Variants in EPOP observed in about 807,000 individuals in gnomAD.
The protein encoded by EPOP is elongin BC and polycomb repressive complex 2 associated protein, also known as elongin BC and Polycomb repressive complex 2-associated protein.
In EPOP, 14 loss-of-function variants were observed where a neutral mutation model predicts 18.2. That is an observed-to-expected ratio of 0.77 (90% CI 0.51 to 1.20). The LOEUF (loss-of-function observed/expected upper bound fraction) is 1.20. Ranked by LOEUF, EPOP falls within the 50% of genes most tolerant of loss-of-function variation. The pLI is 0.00. For missense variants in EPOP, 527 were observed against 577.2 expected, an observed-to-expected ratio of 0.91 and a Z score of 0.89; for synonymous variants, 252 against 274.9, an observed-to-expected ratio of 0.92 and a Z score of 0.83.
At position 38,674,469 on chromosome 17, in the gene EPOP, G is replaced by A. The variant is rs1443564968; in HGVS notation, c.27C>T (p.Arg9=). 6.5e-7 allele frequency: 1 copy of A among 1,536,440 alleles called. No individual in the cohort carries two copies. Among genetic ancestry groups the A allele is most frequent in the Non-Finnish European group, 8.7e-7 (1 of 1,144,802 alleles). The change falls in exon 1 of 1, where the codon CGC becomes CGT. Residue 9 remains arginine, a synonymous_variant. Coordinates refer to ENST00000621654, the MANE Select transcript of EPOP (RefSeq NM_001130677.2). The surrounding 1 kb of genome is among the most constrained non-coding windows in gnomAD (Gnocchi z 4.5). METLCPAP[R]LAVPASPRGS... is the part of the protein sequence containing the mutation. The stretch of plus-strand genomic sequence containing the variant: ...CTCGCGGGGACGCCGGCACTGCCAG[G>A]CGGGGCGCAGGGCACAGGGTCTCCA...
In EPOP at chr17:38,673,016, T is replaced by G; in HGVS notation, c.*340A>C. ...CCGAGGTCTCTCTCTTCTCCCCTTT[T>G]TTTTGGGTGGGGGGGTGTCTTTGAG... On this transcript the variant is annotated 3_prime_UTR_variant, in exon 1 of 1. Coordinates refer to ENST00000621654, the MANE Select transcript of EPOP (RefSeq NM_001130677.2). 8.0e-6 allele frequency: 2 copies of G among 250,786 alleles called. No individual in the cohort carries two copies. The highest frequency in any genetic ancestry group is 7.5e-6 in the Non-Finnish European group (1 of 132,768). The allele number at this position is 250,786 out of a possible 1,614,324, so 15.5% of individuals were successfully genotyped here. A position where few individuals can be genotyped will look rare whatever the true frequency, so the allele number is the denominator to read the frequency against.
chr17:38,674,157 G>A lies in EPOP; in HGVS notation c.339C>T (p.Cys113=). The change falls in exon 1 of 1, where the codon TGC becomes TGT. Residue 113 remains cysteine, a synonymous_variant. Transcript: ENST00000621654. This position sits in a 1 kb window ranked among gnomAD's most constrained non-coding sequence, Gnocchi z 4.5. The stretch of plus-strand genomic sequence containing the variant: ...CCTCTTCCTCCTCTCCGCGGCGGGG[G>A]CACGCTGCGACGTCCGCATCCTCGC... ...AAGEDADVAA[C]PRRGEEEEGG... is the part of the protein sequence containing the mutation. 2 of 1,437,790 alleles carry A rather than the reference G, an allele frequency of 1.4e-6. No individual in the cohort carries two copies. Among genetic ancestry groups the A allele is most frequent in the Non-Finnish European group, 1.8e-6 (2 of 1,106,164 alleles). 89.1% of individuals were successfully genotyped at this position (1,437,790 alleles called of 1,614,324 possible).
In EPOP at chr17:38,673,706, C is replaced by A. The variant is rs932633265; in HGVS notation, c.790G>T (p.Asp264Tyr). ...GGCCCCCGGCGCAAACTCGGAGTGT[C>A]CAAGGCGAAGCCCTTCGCGTAACAC... ...LWCYAKGFALDTPSLRRGPER... is the reference protein window; with the variant it reads ...LWCYAKGFALYTPSLRRGPER... The change falls in exon 1 of 1, where the codon GAC (aspartate) becomes TAC (tyrosine). Residue 264 changes from aspartate (D) to tyrosine (Y), a missense_variant. By Grantham distance (160) the Asp-to-Tyr change is radical. Transcript: ENST00000621654. 9 of 1,533,488 alleles carry A rather than the reference C, an allele frequency of 5.9e-6. No homozygotes were observed. The highest frequency in any genetic ancestry group is 7.9e-6 in the Non-Finnish European group (9 of 1,140,558). 95.0% of individuals were successfully genotyped at this position (1,533,488 alleles called of 1,614,324 possible).
Position 38,674,403 on chromosome 17 carries a change from C to A in EPOP, c.93G>T (p.Gly31=), listed in dbSNP as rs1449918746. 9.7e-6 allele frequency: 15 copies of A among 1,543,530 alleles called. No homozygotes were observed. Among genetic ancestry groups the A allele is most frequent in the Non-Finnish European group, 1.2e-5 (14 of 1,146,212 alleles). The change falls in exon 1 of 1, where the codon GGG becomes GGT. Residue 31 remains glycine (G), a synonymous_variant. Transcript: ENST00000621654. The surrounding 1 kb of genome is among the most constrained non-coding windows in gnomAD (Gnocchi z 4.5). ...CSPTPRKPCR[G]TQEFSPLCLR... ...GGCACAGCGGAGAGAATTCCTGGGT[C>A]CCCCGACACGGCTTCCGGGGCGTGG...
rs761052437 is a variant in EPOP, at chr17:38,674,057, G to T, written c.439C>A (p.Arg147=). 2.0e-4 allele frequency: 283 copies of T among 1,394,548 alleles called. No homozygotes were observed. Among genetic ancestry groups the T allele is most frequent in the Non-Finnish European group, 1.9e-4 (201 of 1,084,466 alleles). 86.4% of individuals were successfully genotyped at this position (1,394,548 alleles called of 1,614,324 possible). A position where few individuals can be genotyped will look rare whatever the true frequency, so the allele number is the denominator to read the frequency against. Residue 147 remains arginine, a synonymous_variant, in exon 1 of 1, where the codon CGG becomes AGG. Coordinates refer to ENST00000621654, the MANE Select transcript of EPOP (RefSeq NM_001130677.2). This position sits in a 1 kb window ranked among gnomAD's most constrained non-coding sequence, Gnocchi z 4.5. ...GAGGCGAAGCTGGTCGTAGATTCCC[G>T]AGGGTGCGGGGGCGCAGGGCAGCGG... ...PGRCPAPPHP[R]ESTTSFASAP...
rs532654976 is a variant in EPOP, at chr17:38,673,644, G to C, written c.852C>G (p.Ala284=). 6.6e-7 allele frequency: 1 copy of C among 1,524,966 alleles called. No homozygotes were observed. The highest frequency in any genetic ancestry group is 1.2e-5 in the South Asian group (1 of 81,754). 94.5% of individuals were successfully genotyped at this position (1,524,966 alleles called of 1,614,324 possible). A position where few individuals can be genotyped will look rare whatever the true frequency, so the allele number is the denominator to read the frequency against. ...GCGCCGGCAGCCGGCGTTTCTTGGC[G>C]GCTCCCCGAGCCGGCCCTTTCGCAG... ...RPPAKGPARG[A]AKKRRLPAPP... The change falls in exon 1 of 1, where the codon GCC becomes GCG. Residue 284 remains alanine, a synonymous_variant. Coordinates refer to ENST00000621654, the MANE Select transcript of EPOP (RefSeq NM_001130677.2).
At position 38,673,210 on chromosome 17, in the gene EPOP, G is replaced by C. The variant is rs1910996191; in HGVS notation, c.*146C>G. The C allele has an allele frequency of 7.4e-7, 1 of 1,355,684 alleles. No homozygotes were observed. Among genetic ancestry groups the C allele is most frequent in the Non-Finnish European group, 9.6e-7 (1 of 1,046,880 alleles). The allele number at this position is 1,355,684 out of a possible 1,614,324, so 84.0% of individuals were successfully genotyped here. ...TGTCACCCCGAAAACTTAGGTGCTT[G>C]AATGAAGATCACTGTTATTTAGGTC... On this transcript the variant is annotated 3_prime_UTR_variant, in exon 1 of 1. Transcript: ENST00000621654.
In EPOP at chr17:38,674,018, G is replaced by A. The variant is rs1247213243; in HGVS notation, c.478C>T (p.Pro160Ser). Residue 160 changes from proline (P) to serine (S), a missense_variant, in exon 1 of 1, where the codon CCG becomes TCG. By Grantham distance (74) the Pro-to-Ser change is moderately conservative. Coordinates refer to ENST00000621654, the MANE Select transcript of EPOP (RefSeq NM_001130677.2). This position sits in a 1 kb window ranked among gnomAD's most constrained non-coding sequence, Gnocchi z 4.5. ...TTSFASAPPR[P>S]APGLEPQRGP... ...CGCTGAGGCTCGAGACCCGGGGCCG[G>A]GCGAGGCGGGGCCGAGGCGAAGCTG... 5 of 1,387,164 alleles carry A rather than the reference G, an allele frequency of 3.6e-6. No homozygotes were observed. Among genetic ancestry groups the A allele is most frequent in the Non-Finnish European group, 3.7e-6 (4 of 1,082,382 alleles). 85.9% of individuals were successfully genotyped at this position (1,387,164 alleles called of 1,614,324 possible).
rs1911068592 is a variant in EPOP at position 38,674,669 on chromosome 17, G to C, written c.-174C>G. On this transcript the variant is annotated 5_prime_UTR_variant, in exon 1 of 1. Coordinates refer to ENST00000621654, the MANE Select transcript of EPOP (RefSeq NM_001130677.2). This position sits in a 1 kb window ranked among gnomAD's most constrained non-coding sequence, Gnocchi z 4.5. Reference sequence around the variant, plus strand: ...GCCGCAGAGCTCGGGCTCCCTCTTCGCTCTCCTCACGCGGCCCTCCCGGCG... The same window carrying C: ...GCCGCAGAGCTCGGGCTCCCTCTTCCCTCTCCTCACGCGGCCCTCCCGGCG... 1 of 566,328 alleles carries C rather than the reference G, an allele frequency of 1.8e-6. No homozygotes were observed. Among genetic ancestry groups the C allele is most frequent in the African/African-American group, 2.0e-5 (1 of 50,396 alleles). 35.1% of individuals were successfully genotyped at this position (566,328 alleles called of 1,614,324 possible). A position where few individuals can be genotyped will look rare whatever the true frequency, so the allele number is the denominator to read the frequency against.
At position 38,673,687 on chromosome 17, in the gene EPOP, C is replaced by T. The variant is rs1337550304; in HGVS notation, c.809G>A (p.Arg270Gln). 2 of 1,532,138 alleles carry T rather than the reference C, an allele frequency of 1.3e-6. No individual in the cohort carries two copies. The highest frequency in any genetic ancestry group is 2.6e-5 in the East Asian group (1 of 38,466). The allele number at this position is 1,532,138 out of a possible 1,614,324, so 94.9% of individuals were successfully genotyped here. The change falls in exon 1 of 1, where the codon CGG becomes CAG. Residue 270 changes from arginine (R) to glutamine (Q), a missense_variant. Transcript: ENST00000621654. ...GFALDTPSLR[R>Q]GPERPPAKGP... Reference sequence around the variant, plus strand: ...TTTCGCAGGCGGCCGCTCTGGCCCCCGGCGCAAACTCGGAGTGTCCAAGGC... The same window carrying T: ...TTTCGCAGGCGGCCGCTCTGGCCCCTGGCGCAAACTCGGAGTGTCCAAGGC...
Position 38,674,148 on chromosome 17 carries a change from G to C in EPOP, c.348C>G (p.Arg116=). 2.8e-6 allele frequency: 4 copies of C among 1,442,268 alleles called. No homozygotes were observed. Among genetic ancestry groups the C allele is most frequent in the Non-Finnish European group, 3.6e-6 (4 of 1,108,676 alleles). The allele number at this position is 1,442,268 out of a possible 1,614,324, so 89.3% of individuals were successfully genotyped here. The change falls in exon 1 of 1, where the codon CGC becomes CGG. Residue 116 remains arginine (R), a synonymous_variant. Coordinates refer to ENST00000621654, the MANE Select transcript of EPOP (RefSeq NM_001130677.2). The surrounding 1 kb of genome is among the most constrained non-coding windows in gnomAD (Gnocchi z 4.5). ...EDADVAACPR[R]GEEEEGGGGF... ...CGCCTCCGCCCTCTTCCTCCTCTCC[G>C]CGGCGGGGGCACGCTGCGACGTCCG...
rs1292160057 is a variant in EPOP, at chr17:38,673,939, G to A, written c.557C>T (p.Pro186Leu). 1.8e-5 allele frequency: 25 copies of A among 1,400,698 alleles called. No individual in the cohort carries two copies. The highest frequency in any genetic ancestry group is 2.1e-5 in the Non-Finnish European group (23 of 1,086,616). The allele number at this position is 1,400,698 out of a possible 1,614,324, so 86.8% of individuals were successfully genotyped here. A position where few individuals can be genotyped will look rare whatever the true frequency, so the allele number is the denominator to read the frequency against. The stretch of plus-strand genomic sequence containing the variant: ...CGCGGGCTCGGTGGAGAGGCCCGCA[G>A]GTGGCGACGGAGGCCGGGAACTGGG... The part of the protein sequence containing the change: ...QEPSSRPPSP[P>L]AGLSTEPAGP... The change falls in exon 1 of 1, where the codon CCT becomes CTT. Residue 186 changes from proline (P) to leucine (L), a missense_variant. Transcript: ENST00000621654.
rs924297682 is a variant in EPOP, at chr17:38,673,886, G to A, written c.610C>T (p.Leu204=). The A allele has an allele frequency of 2.6e-5, 36 of 1,403,776 alleles. No homozygotes were observed. Among genetic ancestry groups the A allele is most frequent in the Admixed American group, 3.7e-5 (1 of 26,668 alleles). The allele number at this position is 1,403,776 out of a possible 1,614,324, so 87.0% of individuals were successfully genotyped here. The change falls in exon 1 of 1, where the codon CTG becomes TTG. Residue 204 remains leucine, a synonymous_variant. Transcript: ENST00000621654. ...AGPGTAPRPF[L]PGQPAEVDGN... Reference sequence around the variant, plus strand: ...TCGACTTCGGCAGGCTGGCCGGGCAGGAACGGCCGCGGCGCCGTCCCGGGA... The same window carrying A: ...TCGACTTCGGCAGGCTGGCCGGGCAAGAACGGCCGCGGCGCCGTCCCGGGA...
At position 38,674,413 on chromosome 17, in the gene EPOP, G is replaced by C. The variant is rs953824250; in HGVS notation, c.83C>G (p.Pro28Arg). The C allele has an allele frequency of 6.5e-7, 1 of 1,542,816 alleles. No individual in the cohort carries two copies. Among genetic ancestry groups the C allele is most frequent in the Admixed American group, 2.0e-5 (1 of 50,896 alleles). The stretch of plus-strand genomic sequence containing the variant: ...AGAGAATTCCTGGGTCCCCCGACAC[G>C]GCTTCCGGGGCGTGGGGGAGCAGGG... ...GSPCSPTPRK[P>R]CRGTQEFSPL... Residue 28 changes from proline to arginine, a missense_variant, in exon 1 of 1, where the codon CCG becomes CGG. Coordinates refer to ENST00000621654, the MANE Select transcript of EPOP (RefSeq NM_001130677.2). This position sits in a 1 kb window ranked among gnomAD's most constrained non-coding sequence, Gnocchi z 4.5.
At position 38,673,018 on chromosome 17, in the gene EPOP, T is replaced by G; in HGVS notation, c.*338A>C. 3.9e-6 allele frequency: 1 copy of G among 257,018 alleles called. No homozygotes were observed. Among genetic ancestry groups the G allele is most frequent in the Non-Finnish European group, 7.3e-6 (1 of 136,796 alleles). The allele number at this position is 257,018 out of a possible 1,614,324, so 15.9% of individuals were successfully genotyped here. Reference sequence around the variant, plus strand: ...GAGGTCTCTCTCTTCTCCCCTTTTTTTTGGGTGGGGGGGTGTCTTTGAGCG... The same window carrying G: ...GAGGTCTCTCTCTTCTCCCCTTTTTGTTGGGTGGGGGGGTGTCTTTGAGCG... On this transcript the variant is annotated 3_prime_UTR_variant, in exon 1 of 1. Transcript: ENST00000621654.
At position 38,673,328 on chromosome 17, in the gene EPOP, C is replaced by A. The variant is rs73982882; in HGVS notation, c.*28G>T. On this transcript the variant is annotated 3_prime_UTR_variant, in exon 1 of 1. Transcript: ENST00000621654. ...GCCCGCGGTTTGGCCATGGTCCCAACTTTTCCCCTTTGGCAGAAGTCCCAC... is the reference window on the plus strand; with the variant it reads ...GCCCGCGGTTTGGCCATGGTCCCAAATTTTCCCCTTTGGCAGAAGTCCCAC... 3,901 of 1,502,078 alleles carry A rather than the reference C, an allele frequency of 2.6e-3. 97 individuals are homozygous for A. In the African/African-American group the frequency reaches 0.051, roughly 20 times the overall value. 93.0% of individuals were successfully genotyped at this position (1,502,078 alleles called of 1,614,324 possible). A position where few individuals can be genotyped will look rare whatever the true frequency, so the allele number is the denominator to read the frequency against.
chr17:38,673,412 C>T lies in EPOP; in HGVS notation c.1084G>A (p.Ala362Thr), dbSNP rs1463329159. 13 of 1,327,018 alleles carry T rather than the reference C, an allele frequency of 9.8e-6. No homozygotes were observed. The highest frequency in any genetic ancestry group is 1.9e-4 in the Middle Eastern group (1 of 5,224). 82.2% of individuals were successfully genotyped at this position (1,327,018 alleles called of 1,614,324 possible). A position where few individuals can be genotyped will look rare whatever the true frequency, so the allele number is the denominator to read the frequency against. Reference sequence around the variant, plus strand: ...TTGAGGCCAGGGGGCTCAGGGACAGCGGGACCCCCCATCTGCCACCTCCAC... The same window carrying T: ...TTGAGGCCAGGGGGCTCAGGGACAGTGGGACCCCCCATCTGCCACCTCCAC... ...PLWRWQMGGP[A>T]VPEPPGLKFW... The change falls in exon 1 of 1, where the codon GCT becomes ACT. Residue 362 changes from alanine to threonine, a missense_variant. Transcript: ENST00000621654.
At position 38,673,983 on chromosome 17, in the gene EPOP, G is replaced by A. The variant is rs1911034730; in HGVS notation, c.513C>T (p.Ala171=). Residue 171 remains alanine, a synonymous_variant, in exon 1 of 1, where the codon GCC becomes GCT. Coordinates refer to ENST00000621654, the MANE Select transcript of EPOP (RefSeq NM_001130677.2). ...AACTGGGTTCCTGAGGCGGGCTGGC[G>A]GCTGGGCCACGCTGAGGCTCGAGAC... The part of the protein sequence containing the change: ...APGLEPQRGP[A]ASPPQEPSSR... The A allele has an allele frequency of 4.3e-6, 6 of 1,397,512 alleles. No homozygotes were observed. The South Asian group carries it at 6.4e-5, about 15-fold the overall frequency. The allele number at this position is 1,397,512 out of a possible 1,614,324, so 86.6% of individuals were successfully genotyped here. A position where few individuals can be genotyped will look rare whatever the true frequency, so the allele number is the denominator to read the frequency against.
At position 38,674,138 on chromosome 17, in the gene EPOP, C is replaced by G; in HGVS notation, c.358G>C (p.Glu120Gln). Residue 120 changes from glutamate to glutamine, a missense_variant, in exon 1 of 1, where the codon GAA becomes CAA. Coordinates refer to ENST00000621654, the MANE Select transcript of EPOP (RefSeq NM_001130677.2). This position sits in a 1 kb window ranked among gnomAD's most constrained non-coding sequence, Gnocchi z 4.5. ...TGCGGGAAACCGCCTCCGCCCTCTT[C>G]CTCCTCTCCGCGGCGGGGGCACGCT... ...VAACPRRGEE[E>Q]EGGGGFPHFG... 6.9e-7 allele frequency: 1 copy of G among 1,451,420 alleles called. No individual in the cohort carries two copies. The highest frequency in any genetic ancestry group is 9.0e-7 in the Non-Finnish European group (1 of 1,112,202). 89.9% of individuals were successfully genotyped at this position (1,451,420 alleles called of 1,614,324 possible).
Sources: allele counts gnomAD v4.1 joint callset, GRCh38; gene constraint gnomAD v4.1.1; non-coding constraint Gnocchi (gnomAD v3.1); transcripts MANE v1.5; gene names NCBI Gene and HGNC (gene_info 2026-07-23, HGNC 2026-07-21).